The following KIRREL1 variants were observed in gnomAD, a reference collection of about 807,000 sequenced individuals.
KIRREL1 encodes the protein kirre like nephrin family adhesion molecule 1.
In KIRREL1, 25 loss-of-function variants were observed where a neutral mutation model predicts 83.3. The observed-to-expected ratio is 0.30, with a 90% CI of 0.22 to 0.42. The LOEUF (loss-of-function observed/expected upper bound fraction) is 0.42, where lower values mean the gene tolerates loss of function less well. Among genes scored for constraint, KIRREL1 ranks in the 10% least tolerant of loss-of-function variants. The pLI, the probability that KIRREL1 is intolerant of heterozygous loss-of-function variation, is 1.00. For synonymous variants in KIRREL1, 388 were observed against 410.4 expected, an observed-to-expected ratio of 0.95 and a Z score of 0.66; for missense variants, 812 against 1,032.3, an observed-to-expected ratio of 0.79 and a Z score of 2.92.
At chr1:158,048,000 C>T (rs984786950) in intron 1 of KIRREL1, among the ~76,000 whole-genome samples, 1 of 152,192 alleles carries the variant, frequency 6.6e-6, no homozygotes, top group African/African-American at 2.4e-5. Flanking sequence ...TTCTCCCCTG[C>T]TCTTTCTCTC....
At chr1:158,058,012 G>C (rs1661111565) in intron 1 of KIRREL1, among the ~76,000 whole-genome samples, 1 of 152,224 alleles carries the variant, frequency 6.6e-6, no homozygotes, top group Non-Finnish European at 1.5e-5. Context: ...CCTTCCAGTT[G>C]ATTGATTTCA....
At chr1:158,044,949 G>A (rs1461758216) in intron 1 of KIRREL1, among the ~76,000 whole-genome samples, 1 of 152,210 alleles carries the variant, frequency 6.6e-6, no homozygotes, top group Non-Finnish European at 1.5e-5. Context: ...CCGGAGTCTG[G>A]TGGGGCAGTG....
chr1:158,029,376 C>T (rs1244036103), intron 1 of KIRREL1, among the ~76,000 whole-genome samples: 15 of 17,582 alleles, frequency 8.5e-4, no homozygotes, highest in Admixed American at 2.6e-3. Flanking sequence ...TGCACGTGCG[C>T]GCGCATGCAC....
chr1:158,028,289 T>C (rs1046401567), intron 1 of KIRREL1, among the ~76,000 whole-genome samples: 24 of 152,242 alleles, frequency 1.6e-4, no homozygotes, highest in African/African-American at 5.1e-4. Flanking sequence ...TACCTTTGCA[T>C]GGTAATTTGC....
At position 158,010,361 on chromosome 1, in the gene KIRREL1, A is replaced by ACACACACACAC. The variant is rs1491267940; in HGVS notation, c.52+16634_52+16635insACACACACACC. 2.0e-3 allele frequency among the ~76,000 whole-genome samples: 101 copies of ACACACACACAC among 51,590 alleles called. 1 individual carries two copies. Among genetic ancestry groups the ACACACACACAC allele is most frequent in the African/African-American group, 4.5e-3 (94 of 20,980 alleles). 33.8% of individuals were successfully genotyped at this position (51,590 alleles called of 152,430 possible). ...CACACACACACACACACACACACAC[A>ACACACACACAC]CCCCACACAGTCCTGAGAATGTCAC... On this transcript the variant is annotated intron_variant, in intron 1 of 14. Transcript: ENST00000359209.
chr1:158,044,620 T>G (rs2101584044), intron 1 of KIRREL1, among the ~76,000 whole-genome samples: 1 of 152,272 alleles, frequency 6.6e-6, no homozygotes, highest in Non-Finnish European at 1.5e-5. Context: ...TACCTCAGCC[T>G]CCTGAGTAAA....
At chr1:158,052,289 C>A (rs924985790) in intron 1 of KIRREL1, among the ~76,000 whole-genome samples, 1 of 152,090 alleles carries the variant, frequency 6.6e-6, no homozygotes, top group Non-Finnish European at 1.5e-5. Context: ...AGGAACTGTC[C>A]CGCTCCCAGC....
intron 1 of KIRREL1, among the ~76,000 whole-genome samples, chr1:158,046,697 A>T (rs1346054646): frequency 2.0e-5 from 3 of 152,006 alleles, no homozygotes; most frequent in Non-Finnish European, 4.4e-5. Context: ...GTCTTTGAGG[A>T]GGGAGGGATC....
chr1:158,037,025 C>T (rs919119718), intron 1 of KIRREL1, among the ~76,000 whole-genome samples: 1 of 152,200 alleles, frequency 6.6e-6, no homozygotes, highest in South Asian at 2.1e-4. Flanking sequence ...CAGGGCCTCC[C>T]GTGTCTCCTT....
At chr1:158,033,092 T>C (rs1318754306) in intron 1 of KIRREL1, among the ~76,000 whole-genome samples, 2 of 151,638 alleles carry the variant, frequency 1.3e-5, no homozygotes, top group African/African-American at 4.9e-5. Context: ...TTTCTTCTTT[T>C]TGAGACGGAG....
intron 1 of KIRREL1, among the ~76,000 whole-genome samples, chr1:158,056,697 C>T (rs541213983): frequency 5.9e-5 from 9 of 152,294 alleles, no homozygotes; most frequent in South Asian, 2.1e-4. Context: ...CAGCTCCAGC[C>T]GGGCGGCTGT....
At chr1:158,018,478 G>A (rs552145630) in intron 1 of KIRREL1, among the ~76,000 whole-genome samples, 20 of 152,320 alleles carry the variant, frequency 1.3e-4, no homozygotes, top group African/African-American at 3.6e-4. Flanking sequence ...GCATCAGAGC[G>A]TGAGATGGTG....
chr1:158,031,484 G>A (rs1470040021), intron 1 of KIRREL1, among the ~76,000 whole-genome samples: 1 of 152,218 alleles, frequency 6.6e-6, no homozygotes, highest in Non-Finnish European at 1.5e-5. Flanking sequence ...CAAGTGGGAT[G>A]GAAGGAGTCA....
chr1:158,027,122 C>T (rs763675987), intron 1 of KIRREL1, among the ~76,000 whole-genome samples: 3 of 152,198 alleles, frequency 2.0e-5, no homozygotes, highest in Non-Finnish European at 2.9e-5. Context: ...GTTTTACCTG[C>T]GCTTCTGACT....
chr1:158,006,603 A>T (rs531941523), intron 1 of KIRREL1, among the ~76,000 whole-genome samples: 2 of 152,330 alleles, frequency 1.3e-5, no homozygotes, highest in East Asian at 3.9e-4. Context: ...CTCCTACAGT[A>T]TCCCCAGCCA....
intron 1 of KIRREL1, among the ~76,000 whole-genome samples, chr1:158,008,221 C>CGGGGCGCAGTGGT (rs1659575946): frequency 6.6e-6 from 1 of 151,512 alleles, no homozygotes; most frequent in African/African-American, 2.4e-5. Flanking sequence ...AGGAAGGGGG[C>CGGGGCGCAGTGGT]GGGGCGCAGT....
rs548756815 is a variant in KIRREL1, at chr1:158,022,906, G to A, written c.52+29178G>A. On this transcript the variant is annotated intron_variant, in intron 1 of 14. Coordinates refer to ENST00000359209, the MANE Select transcript of KIRREL1 (RefSeq NM_018240.7). ...ACTCTTACCTGTGTATACTCAGTCT[G>A]GGTGCAAATGAAGAGAGACCTGGGG... 2.2e-4 allele frequency among the ~76,000 whole-genome samples: 34 copies of A among 152,276 alleles called. 1 individual carries two copies. Among genetic ancestry groups the A allele is most frequent in the African/African-American group, 8.2e-4 (34 of 41,568 alleles).
intron 1 of KIRREL1, among the ~76,000 whole-genome samples, chr1:158,002,465 A>G (rs773908592): frequency 5.9e-5 from 9 of 152,198 alleles, no homozygotes; most frequent in Admixed American, 2.0e-4. Context: ...CTAGGAAGTG[A>G]GCTCTGGTTT....
chr1:158,083,678 G>A (rs2101633737), intron 3 of KIRREL1, among the ~76,000 whole-genome samples: 1 of 152,280 alleles, frequency 6.6e-6, no homozygotes, highest in Admixed American at 6.5e-5. Flanking sequence ...CAGGGCAGAG[G>A]AGCAGACAGG....
Sources: allele counts gnomAD v4.1 joint callset (sites outside exome capture counted in the v4.1 genomes callset), GRCh38; gene constraint gnomAD v4.1.1; transcripts MANE v1.5; gene names NCBI Gene and HGNC (gene_info 2026-07-23, HGNC 2026-07-21).